The following SLC27A6 variants were observed in gnomAD, a reference collection of about 807,000 sequenced individuals.
SLC27A6 encodes the protein solute carrier family 27 member 6, also known as long-chain fatty acid transport protein 6.
In SLC27A6, 74 loss-of-function variants were observed where a neutral mutation model predicts 63.9. The observed-to-expected ratio is 1.16, with a 90% confidence interval of 0.96 to 1.40. The LOEUF is 1.40. SLC27A6 is among the 40% of genes most tolerant of loss of function. The pLI is 0.00. For synonymous variants in SLC27A6, 287 were observed against 260.8 expected (o/e 1.10, Z -0.97); for missense variants, 794 against 732.9 (o/e 1.08, Z -0.96).
At chr5:128,972,130 C>G (rs145938907) in intron 1 of SLC27A6, among the ~76,000 whole-genome samples, 1 of 152,030 alleles carries the variant, frequency 6.6e-6, no homozygotes, top group African/African-American at 2.4e-5. Flanking sequence ...GCCAAGAGAT[C>G]AGCTGTTAGT....
chr5:128,983,410 A>G (rs899354743), intron 1 of SLC27A6, among the ~76,000 whole-genome samples: 3 of 147,508 alleles, frequency 2.0e-5, no homozygotes, highest in African/African-American at 7.5e-5. Context: ...CTCCTGCCTC[A>G]GCCTCCTGAG....
Position 128,965,919 on chromosome 5 carries a change from A to T in SLC27A6, c.-219A>T. 1 of 443,458 alleles carries T rather than the reference A, an allele frequency of 2.3e-6. No individual in the cohort carries two copies. Among genetic ancestry groups the T allele is most frequent in the Non-Finnish European group, 3.8e-6 (1 of 261,074 alleles). The allele number at this position is 443,458 out of a possible 1,614,324, so 27.5% of individuals were successfully genotyped here. A position where few individuals can be genotyped will look rare whatever the true frequency, so the allele number is the denominator to read the frequency against. ...TCCAGCCGCCCAGTGACCCAAGCTTAATCTTCAGCACCACTTGGGGCGACC... is the reference window on the plus strand; with the variant it reads ...TCCAGCCGCCCAGTGACCCAAGCTTTATCTTCAGCACCACTTGGGGCGACC... On this transcript the variant is annotated 5_prime_UTR_variant, in exon 1 of 10. Coordinates refer to ENST00000262462, the MANE Select transcript of SLC27A6 (RefSeq NM_001017372.3).
intron 9 of SLC27A6, among the ~76,000 whole-genome samples, 180 bp from the exon 10 acceptor site, chr5:129,032,926 A>C (rs1752456842): frequency 1.3e-5 from 2 of 151,992 alleles, no homozygotes. Context: ...CAGGTAAATC[A>C]AACTAAAGAT....
Position 128,966,565 on chromosome 5 carries a change from C to G in SLC27A6, c.428C>G (p.Ser143Cys). The change falls in exon 1 of 10, where the codon TCC becomes TGC. Residue 143 changes from serine to cysteine, a missense_variant. Coordinates refer to ENST00000262462, the MANE Select transcript of SLC27A6 (RefSeq NM_001017372.3). ...AFLNTNIRSNSLLNCIRACGP... is the reference protein window; with the variant it reads ...AFLNTNIRSNCLLNCIRACGP... ...CTCAACACCAACATTCGCTCCAACT[C>G]CCTCCTGAATTGCATCCGCGCCTGT... 1 of 1,565,834 alleles carries G rather than the reference C, an allele frequency of 6.4e-7. No individual in the cohort carries two copies. The highest frequency in any genetic ancestry group is 8.6e-7 in the Non-Finnish European group (1 of 1,161,734).
chr5:128,990,254 C>T, intron 3 of SLC27A6, 86 bp from the exon 4 acceptor site: 1 of 1,339,764 alleles, frequency 7.5e-7, no homozygotes, highest in Non-Finnish European at 1.0e-6. Context: ...CAAACATGTT[C>T]TAGACAGAGA....
rs1290479772 is a variant in SLC27A6, at chr5:128,988,653, G to A, written c.739G>A (p.Val247Ile). 6.2e-7 allele frequency: 1 copy of A among 1,614,048 alleles called. No individual in the cohort carries two copies. Among genetic ancestry groups the A allele is most frequent in the Admixed American group, 1.7e-5 (1 of 60,024 alleles). The change falls in exon 3 of 10, where the codon GTC becomes ATC. Residue 247 changes from valine (V) to isoleucine (I), a missense_variant. Transcript: ENST00000262462. ...GCTGCAGGTTTTAAGGGGTTCTGCT[G>A]TCCTGTGGGCTTTTGGTTGTACTGC... Reference protein sequence around the residue: ...SQLQVLRGSAVLWAFGCTAHD... With the variant: ...SQLQVLRGSAILWAFGCTAHD...
chr5:129,017,973 C>CCAAA (rs1304005948), intron 5 of SLC27A6, among the ~76,000 whole-genome samples: 1 of 152,048 alleles, frequency 6.6e-6, no homozygotes, highest in African/African-American at 2.4e-5. Context: ...TTTTTTGACT[C>CCAAA]CAAACCTGAC....
intron 4 of SLC27A6, among the ~76,000 whole-genome samples, chr5:129,006,577 ATAT>A (rs1751548322): frequency 1.3e-5 from 2 of 152,034 alleles, no homozygotes; most frequent in Non-Finnish European, 2.9e-5. Context: ...TAAAGGAATC[ATAT>A]TATTTTCATT....
At chr5:129,018,869 A>G (rs1751988994) in intron 5 of SLC27A6, among the ~76,000 whole-genome samples, 1 of 152,148 alleles carries the variant, frequency 6.6e-6, no homozygotes, top group African/African-American at 2.4e-5. Context: ...GAAATGAAAA[A>G]ACAAAGTTGT....
chr5:129,000,228 A>G (rs945531844), intron 4 of SLC27A6, among the ~76,000 whole-genome samples: 2 of 152,122 alleles, frequency 1.3e-5, no homozygotes, highest in Non-Finnish European at 2.9e-5. Flanking sequence ...TCACTGCTTT[A>G]TGTTTCTTCC....
At chr5:129,022,625 T>C (rs1478109569) in intron 5 of SLC27A6, among the ~76,000 whole-genome samples, 1 of 152,188 alleles carries the variant, frequency 6.6e-6, no homozygotes. Flanking sequence ...CTAACTGAGC[T>C]TGTTTGATTG....
Position 129,033,333 on chromosome 5 carries a change from G to C in SLC27A6, c.*51G>C, listed in dbSNP as rs374631815. The C allele has an allele frequency of 8.8e-7, 1 of 1,136,734 alleles. No homozygotes were observed. Among genetic ancestry groups the C allele is most frequent in the Non-Finnish European group, 1.2e-6 (1 of 804,014 alleles). The allele number at this position is 1,136,734 out of a possible 1,614,324, so 70.4% of individuals were successfully genotyped here. A position where few individuals can be genotyped will look rare whatever the true frequency, so the allele number is the denominator to read the frequency against. Reference sequence around the variant, plus strand: ...TGCTTTCTTAGGAAGAGTGAGAGGGGGGTATATGATTCTTTATGAAATGGG... The same window carrying C: ...TGCTTTCTTAGGAAGAGTGAGAGGGCGGTATATGATTCTTTATGAAATGGG... On this transcript the variant is annotated 3_prime_UTR_variant, in exon 10 of 10. Transcript: ENST00000262462.
At chr5:128,998,117 C>CAAAAA (rs34463699) in intron 4 of SLC27A6, among the ~76,000 whole-genome samples, 1 of 89,380 alleles carries the variant, frequency 1.1e-5, no homozygotes, top group Non-Finnish European at 2.2e-5. Context: ...CCCATCTCTA[C>CAAAAA]AAAAAAAAAA....
At chr5:129,019,901 AAAAATAATT>A (rs1208370514) in intron 5 of SLC27A6, among the ~76,000 whole-genome samples, 1 of 152,114 alleles carries the variant, frequency 6.6e-6, no homozygotes, top group East Asian at 1.9e-4. Context: ...GATCAAAGAA[AAAAATAATT>A]ATTTCTACCC....
intron 4 of SLC27A6, among the ~76,000 whole-genome samples, chr5:129,007,998 GATT>G (rs1008595372): frequency 1.3e-5 from 2 of 151,820 alleles, no homozygotes; most frequent in Non-Finnish European, 2.9e-5. Flanking sequence ...ATATTATGGT[GATT>G]ATAACTTTTA....
chr5:129,023,305 C>G (rs1472921132), intron 5 of SLC27A6, among the ~76,000 whole-genome samples: 2 of 151,964 alleles, frequency 1.3e-5, no homozygotes, highest in South Asian at 2.1e-4. Context: ...CTGCAGTTAA[C>G]AGAGTATATA....
In SLC27A6 at chr5:128,988,758, G is replaced by A. The variant is rs759902627; in HGVS notation, c.844G>A (p.Gly282Ser). ...GGGAATTTCTGGATGTGTTGAGTTG[G>A]GTAAGGCTTTATTTTCTTTTTGATA... ...ILGISGCVEL[G>S]ATCVLKKKFS... Residue 282 changes from glycine (G) to serine (S), a missense_variant and splice_region_variant, in exon 3 of 10, where the codon GGT becomes AGT. By Grantham distance (56) the Gly-to-Ser change is moderately conservative (BLOSUM62 0). Transcript: ENST00000262462. 13 of 1,596,816 alleles carry A rather than the reference G, an allele frequency of 8.1e-6. No individual in the cohort carries two copies. Among genetic ancestry groups the A allele is most frequent in the Non-Finnish European group, 1.1e-5 (13 of 1,174,592 alleles).
chr5:129,008,969 C>T (rs1026873225), intron 4 of SLC27A6, among the ~76,000 whole-genome samples: 1 of 149,820 alleles, frequency 6.7e-6, no homozygotes, highest in Admixed American at 6.7e-5. Context: ...CGGGTTCAAG[C>T]AATTCTCCTG....
chr5:129,029,826 G>A (rs1752360811), intron 9 of SLC27A6, 119 bp downstream of exon 9: 5 of 873,162 alleles, frequency 5.7e-6, no homozygotes, highest in East Asian at 5.6e-5. Flanking sequence ...GGCGTGGCGT[G>A]TAGAGTTGAT....
Sources: allele counts gnomAD v4.1 joint callset (sites outside exome capture counted in the v4.1 genomes callset), GRCh38; gene constraint gnomAD v4.1.1; transcripts MANE v1.5; gene names NCBI Gene and HGNC (gene_info 2026-07-23, HGNC 2026-07-21).